Variants in BNC2 observed in about 807,000 individuals in gnomAD.
BNC2 encodes the protein zinc finger protein basonuclin-2.
BNC2 carries 20 observed loss-of-function variants against 76.3 expected under a neutral mutation model. The observed-to-expected ratio is 0.26, with a 90% CI of 0.18 to 0.38. The LOEUF is 0.38. Ranked by LOEUF, BNC2 falls within the 10% of genes least tolerant of loss-of-function variation. The probability of loss-of-function intolerance (pLI) is 1.00; values close to 1 mark genes in which losing one functional copy is unlikely to be tolerated. For synonymous variants in BNC2, 582 were observed against 514.8 expected, an observed-to-expected ratio of 1.13 and a Z score of -1.77; for missense variants, 1,382 against 1,399.8, an observed-to-expected ratio of 0.99 and a Z score of 0.20.
intron 5 of BNC2, among the ~76,000 whole-genome samples, chr9:16,504,912 C>T (rs1471460405): frequency 1.3e-5 from 2 of 152,196 alleles, no homozygotes; most frequent in African/African-American, 4.8e-5. Context: ...TTACAAGAAG[C>T]TCAAATTCTA....
intron 3 of BNC2, among the ~76,000 whole-genome samples, chr9:16,646,722 T>C (rs1312091537): frequency 3.3e-5 from 5 of 152,150 alleles, no homozygotes; most frequent in Non-Finnish European, 5.9e-5. Flanking sequence ...TTAAAATGGG[T>C]CTATTTCATT....
At chr9:16,859,228 T>C (rs531925961) in intron 1 of BNC2, among the ~76,000 whole-genome samples, 2 of 151,876 alleles carry the variant, frequency 1.3e-5, no homozygotes, top group African/African-American at 4.8e-5. Flanking sequence ...TGTAGAGAAA[T>C]TGGAACCCTT....
chr9:16,585,049 T>G (rs1819730691), intron 3 of BNC2, among the ~76,000 whole-genome samples: 1 of 152,082 alleles, frequency 6.6e-6, no homozygotes, highest in Non-Finnish European at 1.5e-5. Context: ...TAATATAAAC[T>G]CCAGCACAAA....
At chr9:16,460,215 T>C (rs1821544973) in intron 5 of BNC2, among the ~76,000 whole-genome samples, 1 of 152,054 alleles carries the variant, frequency 6.6e-6, no homozygotes, top group South Asian at 2.1e-4. Flanking sequence ...TCACTGTTAT[T>C]ACAAAGCACT....
intron 5 of BNC2, among the ~76,000 whole-genome samples, chr9:16,523,110 G>A (rs932367039): frequency 6.6e-6 from 1 of 152,130 alleles, no homozygotes; most frequent in African/African-American, 2.4e-5. Context: ...GTGTCTATTC[G>A]TGTGTTTTCA....
chr9:16,658,653 T>A (rs1288487723), intron 3 of BNC2, among the ~76,000 whole-genome samples: 1 of 152,226 alleles, frequency 6.6e-6, no homozygotes, highest in Admixed American at 6.5e-5. Flanking sequence ...CTTATAAGCA[T>A]GTGCCCAGCC....
chr9:16,537,450 T>TC (rs1449620851), intron 5 of BNC2, among the ~76,000 whole-genome samples: 1 of 152,072 alleles, frequency 6.6e-6, no homozygotes, highest in Non-Finnish European at 1.5e-5. Context: ...TCCCAAGCCC[T>TC]CCTCAATAGT....
intron 1 of BNC2, chr9:16,832,331 TC>T: frequency 7.9e-7 from 1 of 1,265,078 alleles, no homozygotes. Flanking sequence ...AGCACAGAAT[TC>T]CAGAGAAAAC....
At chr9:16,472,467 A>AC (rs1304765067) in intron 5 of BNC2, among the ~76,000 whole-genome samples, 3 of 152,170 alleles carry the variant, frequency 2.0e-5, no homozygotes, top group African/African-American at 2.4e-5. Flanking sequence ...TCTTATATAT[A>AC]CCTACTCTCC....
chr9:16,419,788 G>A (rs1257495652), intron 6 of BNC2, 139 bp from the exon 7 acceptor site: 9 of 668,144 alleles, frequency 1.3e-5, no homozygotes, highest in Non-Finnish European at 2.4e-5. Flanking sequence ...CATTATAAAA[G>A]CAAGCATTCC....
chr9:16,769,828 T>C (rs1825788473), intron 1 of BNC2, among the ~76,000 whole-genome samples: 1 of 152,144 alleles, frequency 6.6e-6, no homozygotes, highest in Non-Finnish European at 1.5e-5. Context: ...GAGCTTGTCA[T>C]TGAAGCTTGC....
chr9:16,529,210 C>A (rs909647731), intron 5 of BNC2, among the ~76,000 whole-genome samples: 1 of 151,982 alleles, frequency 6.6e-6, no homozygotes, highest in African/African-American at 2.4e-5. Flanking sequence ...CCCTTTTTTC[C>A]AAATAAGGTA....
At chr9:16,788,291 C>A (rs573356013) in intron 1 of BNC2, among the ~76,000 whole-genome samples, 4 of 152,056 alleles carry the variant, frequency 2.6e-5, no homozygotes, top group Non-Finnish European at 5.9e-5. Flanking sequence ...CGGTGGCTCA[C>A]GCCTGTAATC....
At chr9:16,729,587 A>G (rs1824448004) in intron 2 of BNC2, among the ~76,000 whole-genome samples, 1 of 152,184 alleles carries the variant, frequency 6.6e-6, no homozygotes, top group Admixed American at 6.5e-5. Context: ...AAAAGTCTCA[A>G]AAGAAGCAAA....
intron 4 of BNC2, among the ~76,000 whole-genome samples, chr9:16,576,777 C>T (rs568054894): frequency 5.3e-5 from 8 of 152,292 alleles, no homozygotes; most frequent in Middle Eastern, 6.8e-3. Flanking sequence ...CTCGCTCTGT[C>T]GCCATGCTGG....
At chr9:16,561,432 G>C (rs893760742) in intron 4 of BNC2, among the ~76,000 whole-genome samples, 17 of 152,238 alleles carry the variant, frequency 1.1e-4, no homozygotes, top group Admixed American at 1.1e-3. Flanking sequence ...CTTCTCAGTA[G>C]AGTATGCCTA....
intron 1 of BNC2, among the ~76,000 whole-genome samples, chr9:16,811,651 G>A (rs1818058521): frequency 6.6e-6 from 1 of 150,524 alleles, no homozygotes; most frequent in Admixed American, 6.6e-5. Context: ...AAACAGAAAT[G>A]AGGCAGCAGA....
chr9:16,440,296 T>C (rs1821099974), intron 5 of BNC2, among the ~76,000 whole-genome samples: 1 of 152,162 alleles, frequency 6.6e-6, no homozygotes, highest in Non-Finnish European at 1.5e-5. Context: ...CATTCCATGA[T>C]GCCATTCCCC....
At chr9:16,605,184 A>G (rs1820348431) in intron 3 of BNC2, among the ~76,000 whole-genome samples, 1 of 152,258 alleles carries the variant, frequency 6.6e-6, no homozygotes, top group Non-Finnish European at 1.5e-5. Context: ...ATTAGTAGAG[A>G]ATGAAAAGAG....
Sources: gnomAD v4.1 joint callset for allele counts (sites outside exome capture counted in the v4.1 genomes callset) on GRCh38, gnomAD v4.1.1 for gene constraint, MANE v1.5 for transcripts, NCBI Gene and HGNC (gene_info 2026-07-23, HGNC 2026-07-21) for gene names.